Variants in NPAT observed in about 807,000 individuals in gnomAD.
NPAT encodes the protein nuclear protein, coactivator of histone transcription, also known as protein NPAT.
Under a neutral mutation model 130.7 loss-of-function variants are expected in NPAT, and 52 were observed. That is an observed-to-expected ratio of 0.40 (90% CI 0.32 to 0.50). NPAT has a LOEUF of 0.50. Ranked by LOEUF, NPAT falls within the 20% of genes least tolerant of loss-of-function variation. NPAT has a pLI of 0.68. For synonymous variants in NPAT, 580 were observed against 584.8 expected, an observed-to-expected ratio of 0.99 and a Z score of 0.12; for missense variants, 1,687 against 1,662.6, an observed-to-expected ratio of 1.01 and a Z score of -0.26.
intron 1 of NPAT, among the ~76,000 whole-genome samples, chr11:108,212,991 T>C (rs2078398977): frequency 7.6e-6 from 1 of 130,722 alleles, no homozygotes; most frequent in Admixed American, 8.2e-5. Flanking sequence ...GAAACCTCCC[T>C]GGGCGGGGCA....
chr11:108,160,947 C>T lies in NPAT; in HGVS notation c.4139G>A (p.Arg1380Gln), dbSNP rs372933437. 6.8e-6 allele frequency: 11 copies of T among 1,613,904 alleles called. No individual in the cohort carries two copies. The highest frequency in any genetic ancestry group is 3.3e-5 in the South Asian group (3 of 91,078). ...ATTTTTACTAGAAGGACGAGAGTTT[C>T]GCTCACGTTCATCTAATTCCTCAAT... Reference protein sequence around the residue: ...RKIEELDERERNSRPSSKNLT... With the variant: ...RKIEELDEREQNSRPSSKNLT... The change falls in exon 17 of 18, where the codon CGA becomes CAA. Residue 1380 changes from arginine to glutamine, a missense_variant. Physicochemically the swap from Arg to Gln is conservative, Grantham distance 43. Transcript: ENST00000278612.
intron 1 of NPAT, among the ~76,000 whole-genome samples, chr11:108,202,240 A>G (rs2078281738): frequency 6.6e-6 from 1 of 152,052 alleles, no homozygotes; most frequent in Non-Finnish European, 1.5e-5. Context: ...CATTATCCTC[A>G]GTTTTCCTTC....
At chr11:108,159,228 T>G (rs1005958748) in intron 17 of NPAT, among the ~76,000 whole-genome samples, 2 of 152,154 alleles carry the variant, frequency 1.3e-5, no homozygotes, top group Non-Finnish European at 2.9e-5. Flanking sequence ...CACCTGAATG[T>G]TAGTTTATGG....
chr11:108,171,079 AAC>A (rs1262034256), intron 13 of NPAT: 3 of 152,098 alleles, frequency 2.0e-5, no homozygotes, highest in African/African-American at 4.8e-5. Flanking sequence ...AACTACATAT[AAC>A]ACAGCACGCA....
chr11:108,165,727 T>C (rs1020359594), intron 15 of NPAT, among the ~76,000 whole-genome samples: 2 of 151,376 alleles, frequency 1.3e-5, no homozygotes, highest in African/African-American at 4.9e-5. Context: ...GCCTCCCAGG[T>C]TCACACCACT....
intron 1 of NPAT, among the ~76,000 whole-genome samples, chr11:108,219,871 G>GT (rs1394376873): frequency 1.3e-5 from 2 of 152,202 alleles, no homozygotes; most frequent in Non-Finnish European, 1.5e-5. Flanking sequence ...TGATAAGGTT[G>GT]TAACAGAAGT....
chr11:108,220,063 T>C (rs1226490960), intron 1 of NPAT, among the ~76,000 whole-genome samples: 1 of 152,176 alleles, frequency 6.6e-6, no homozygotes, highest in Non-Finnish European at 1.5e-5. Flanking sequence ...AAACAGATGT[T>C]AGGAAGTTGA....
chr11:108,177,532 A>G (rs2078020560), intron 10 of NPAT, among the ~76,000 whole-genome samples: 1 of 152,138 alleles, frequency 6.6e-6, no homozygotes, highest in Non-Finnish European at 1.5e-5. Context: ...ATGTAGTAGC[A>G]TTCCCCCACT....
intron 2 of NPAT, among the ~76,000 whole-genome samples, chr11:108,195,631 C>T (rs1018830198): frequency 1.0e-4 from 11 of 109,866 alleles, no homozygotes; most frequent in African/African-American, 3.1e-4. Context: ...TATTTTCACC[C>T]AGCCTTTTTT....
chr11:108,186,334 T>G, intron 8 of NPAT, 148 bp downstream of exon 8: 1 of 668,918 alleles, frequency 1.5e-6, no homozygotes, highest in Non-Finnish European at 2.6e-6. Flanking sequence ...TATTAAATGA[T>G]CCAACAACAA....
chr11:108,183,926 A>G (rs2078080080), intron 10 of NPAT, among the ~76,000 whole-genome samples: 1 of 151,776 alleles, frequency 6.6e-6, no homozygotes, highest in South Asian at 2.1e-4. Context: ...GTGAGCCGTG[A>G]TTGAGCCACT....
At position 108,172,834 on chromosome 11, in the gene NPAT, G is replaced by A. The variant is rs201186765; in HGVS notation, c.2150C>T (p.Ser717Phe). 1.9e-5 allele frequency: 30 copies of A among 1,613,678 alleles called. No individual in the cohort carries two copies. The highest frequency in any genetic ancestry group is 2.5e-5 in the Non-Finnish European group (30 of 1,180,026). ...AGAAGGTTTATCATCAGTATTTTGG[G>A]ACTCAGGGTGAGAATCTCCCACTGA... ...CSSVGDSHPE[S>F]QNTDDKPSSN... Residue 717 changes from serine to phenylalanine, a missense_variant, in exon 13 of 18, where the codon TCC becomes TTC. By Grantham distance (155) the Ser-to-Phe change is radical. Transcript: ENST00000278612.
At chr11:108,222,411 T>G (rs2078531287) in intron 1 of NPAT, 89 bp downstream of exon 1, 1 of 1,411,802 alleles carries the variant, frequency 7.1e-7, no homozygotes. Flanking sequence ...CCCCAAAGCT[T>G]CCCTACCAAG....
At chr11:108,178,270 A>C (rs558368368) in intron 10 of NPAT, among the ~76,000 whole-genome samples, 2 of 152,296 alleles carry the variant, frequency 1.3e-5, no homozygotes, top group South Asian at 2.1e-4. Context: ...CTATGGAATT[A>C]TGTTGTAGAA....
intron 1 of NPAT, among the ~76,000 whole-genome samples, chr11:108,219,409 A>C (rs1248592128): frequency 6.6e-6 from 1 of 152,154 alleles, no homozygotes; most frequent in African/African-American, 2.4e-5. Flanking sequence ...TGGGCGTCTT[A>C]GCTTTTCTCT....
At chr11:108,176,761 T>C (rs1002253778) in intron 11 of NPAT, among the ~76,000 whole-genome samples, 5 of 152,200 alleles carry the variant, frequency 3.3e-5, no homozygotes, top group African/African-American at 1.2e-4. Context: ...CCCTGATGAC[T>C]GGCAAAAATG....
intron 12 of NPAT, among the ~76,000 whole-genome samples, chr11:108,174,763 C>T (rs1565312424): frequency 6.6e-6 from 1 of 151,566 alleles, no homozygotes; most frequent in Non-Finnish European, 1.5e-5. Context: ...CACAGGTGCG[C>T]GCCAGCCACC....
chr11:108,171,911 G>T, intron 13 of NPAT: 1 of 370,036 alleles, frequency 2.7e-6, no homozygotes, highest in Non-Finnish European at 5.0e-6. Context: ...ACTATGTGAT[G>T]AATTAGTCTG....
At chr11:108,199,580 G>A (rs1306986465) in intron 1 of NPAT, among the ~76,000 whole-genome samples, 1 of 152,134 alleles carries the variant, frequency 6.6e-6, no homozygotes, top group South Asian at 2.1e-4. Flanking sequence ...TCCAAAAACG[G>A]ATGAAGCACT....
Sources: gnomAD v4.1 joint callset for allele counts (sites outside exome capture counted in the v4.1 genomes callset) on GRCh38, gnomAD v4.1.1 for gene constraint, MANE v1.5 for transcripts, NCBI Gene and HGNC (gene_info 2026-07-23, HGNC 2026-07-21) for gene names.